Variants in P3H2 observed in about 807,000 individuals in gnomAD.
P3H2 encodes prolyl 3-hydroxylase 2, also known as leprecan-like 1.
Under a neutral mutation model 87.0 loss-of-function variants are expected in P3H2, and 80 were observed. The ratio of observed to expected loss-of-function variants is 0.92; its 90% confidence interval spans 0.77 to 1.11. The LOEUF is 1.11. Ranked by LOEUF, P3H2 falls within the 50% of genes least tolerant of loss-of-function variation. The probability of loss-of-function intolerance (pLI) is 0.00; values close to 1 mark genes in which losing one functional copy is unlikely to be tolerated. For synonymous variants in P3H2, 367 were observed against 359.3 expected, an observed-to-expected ratio of 1.02 and a Z score of -0.24; for missense variants, 1,001 against 923.9, an observed-to-expected ratio of 1.08 and a Z score of -1.08.
rs1398533689 is a variant in P3H2 at position 190,083,877 on chromosome 3, C to T, written c.480+36375G>A. Among the ~76,000 whole-genome samples the T allele has an allele frequency of 3.9e-5, 6 of 152,230 alleles. 1 individual carries two copies. Among genetic ancestry groups the T allele is most frequent in the East Asian group, 1.9e-4 (1 of 5,180 alleles). ...AGAGTAATGTTTGTTTAAAAGTGAA[C>T]GAACAATAACCACAAGCTTGGCTGG... On this transcript the variant is annotated intron_variant, in intron 1 of 14. Transcript: ENST00000319332.
intron 13 of P3H2, among the ~76,000 whole-genome samples, chr3:189,966,109 GAA>G (rs1722979275): frequency 1.2e-5 from 1 of 80,190 alleles, no homozygotes; most frequent in African/African-American, 5.9e-5. Context: ...AAAGAAAAAA[GAA>G]AGAAAGAAAG....
At chr3:189,975,627 C>T (rs1723327300) in intron 8 of P3H2, among the ~76,000 whole-genome samples, 1 of 152,160 alleles carries the variant, frequency 6.6e-6, no homozygotes, top group South Asian at 2.1e-4. Context: ...GGCACAACTC[C>T]CTGCCACCCC....
chr3:190,091,404 T>C (rs1727403315), intron 1 of P3H2, among the ~76,000 whole-genome samples: 1 of 152,240 alleles, frequency 6.6e-6, no homozygotes, highest in Non-Finnish European at 1.5e-5. Context: ...CTCTCAACTT[T>C]ACACTTCTGC....
chr3:189,986,755 T>G lies in P3H2; in HGVS notation c.1188+33A>C, dbSNP rs370165510. 3.5e-6 allele frequency: 5 copies of G among 1,415,014 alleles called. No individual in the cohort carries two copies. In the African/African-American group the frequency reaches 7.0e-5, roughly 20 times the overall value. The allele number at this position is 1,415,014 out of a possible 1,614,324, so 87.7% of individuals were successfully genotyped here. On this transcript the variant is annotated intron_variant, in intron 6 of 14. Transcript: ENST00000319332. ...ACATAAAAAGGATTCCACTGAATCA[T>G]TATTTTAATAAACGTTTCCTCTTTC...
At chr3:190,119,187 GAGAGGA>G in intron 1 of P3H2, among the ~76,000 whole-genome samples, 2 of 121,104 alleles carry the variant, frequency 1.7e-5, no homozygotes, top group Non-Finnish European at 3.4e-5. Flanking sequence ...GAGAGGAGAG[GAGAGGA>G]GGGGAGAGGA....
intron 1 of P3H2, among the ~76,000 whole-genome samples, chr3:190,101,567 T>C (rs1711629768): frequency 6.6e-6 from 1 of 151,812 alleles, no homozygotes; most frequent in African/African-American, 2.4e-5. Flanking sequence ...TCTCCTCAAT[T>C]CTGTGAAGGC....
chr3:190,101,722 C>T (rs189859649), intron 1 of P3H2, among the ~76,000 whole-genome samples: 23 of 152,184 alleles, frequency 1.5e-4, no homozygotes, highest in African/African-American at 2.4e-4. Flanking sequence ...ACAAGTTATC[C>T]GGAAGATCTA....
intron 1 of P3H2, among the ~76,000 whole-genome samples, chr3:190,037,289 T>C (rs1725456451): frequency 6.6e-6 from 1 of 152,110 alleles, no homozygotes; most frequent in African/African-American, 2.4e-5. Flanking sequence ...AAATTATAAG[T>C]AAAAATCTAT....
chr3:189,974,326 G>A, intron 9 of P3H2: 2 of 622,940 alleles, frequency 3.2e-6, no homozygotes. Context: ...CTTGCTAGAT[G>A]GCTGTTGGGC....
At chr3:189,969,265 T>A in intron 13 of P3H2, 1 of 853,498 alleles carries the variant, frequency 1.2e-6, no homozygotes, top group Admixed American at 1.7e-5. Context: ...GAGAACCACC[T>A]CTGGAACTGT....
At chr3:189,996,106 G>C (rs1724044590) in intron 1 of P3H2, among the ~76,000 whole-genome samples, 1 of 152,130 alleles carries the variant, frequency 6.6e-6, no homozygotes, top group African/African-American at 2.4e-5. Flanking sequence ...TCTCACTGCT[G>C]GGTATATATC....
At chr3:190,028,840 C>T (rs1725167300) in intron 1 of P3H2, among the ~76,000 whole-genome samples, 1 of 140,018 alleles carries the variant, frequency 7.1e-6, no homozygotes, top group East Asian at 2.1e-4. Flanking sequence ...TTCTCTGAGT[C>T]TCCTCAGAAA....
At chr3:190,061,631 T>A (rs773134753) in intron 1 of P3H2, among the ~76,000 whole-genome samples, 15 of 152,204 alleles carry the variant, frequency 9.9e-5, no homozygotes, top group Non-Finnish European at 1.9e-4. Context: ...GATTTCTTAC[T>A]CTTCATTCAC....
chr3:189,983,025 TA>T lies in P3H2; in HGVS notation c.1324+20del. On this transcript the variant is annotated intron_variant, in intron 8 of 14. Coordinates refer to ENST00000319332, the MANE Select transcript of P3H2 (RefSeq NM_018192.4). ...CTTCCCCTTCCCCTCCTTTATAGGG[TA>T]AAAGTGCACAGCTACTTACCTTCTC... 1 of 1,583,282 alleles carries T rather than the reference TA, an allele frequency of 6.3e-7. No individual in the cohort carries two copies. The highest frequency in any genetic ancestry group is 8.7e-7 in the Non-Finnish European group (1 of 1,151,880).
At chr3:190,024,566 G>GAAA (rs954004940) in intron 1 of P3H2, among the ~76,000 whole-genome samples, 9 of 136,592 alleles carry the variant, frequency 6.6e-5, no homozygotes, top group African/African-American at 2.1e-4. Flanking sequence ...AAGAAAGAAA[G>GAAA]AAAAAAAATT....
At chr3:190,041,035 TATACACACAC>T (rs1348315526) in intron 1 of P3H2, among the ~76,000 whole-genome samples, 5 of 39,792 alleles carry the variant, frequency 1.3e-4, no homozygotes, top group African/African-American at 5.4e-4. Flanking sequence ...TATATATATA[TATACACACAC>T]ACACACACAC....
chr3:190,068,684 G>A (rs1726594994), intron 1 of P3H2, among the ~76,000 whole-genome samples: 1 of 152,050 alleles, frequency 6.6e-6, no homozygotes, highest in Non-Finnish European at 1.5e-5. Context: ...AGACAGAGCT[G>A]TTTCCTAAAA....
At chr3:190,089,283 G>A (rs2108984614) in intron 1 of P3H2, among the ~76,000 whole-genome samples, 1 of 152,276 alleles carries the variant, frequency 6.6e-6, no homozygotes, top group East Asian at 1.9e-4. Context: ...ACGAGTTAAT[G>A]GGTGCAGCAC....
intron 1 of P3H2, among the ~76,000 whole-genome samples, chr3:190,119,484 A>G (rs769965708): frequency 6.6e-6 from 1 of 152,218 alleles, no homozygotes. Flanking sequence ...CAATATGTCA[A>G]TATGCATACT....
Sources: allele counts gnomAD v4.1 joint callset (sites outside exome capture counted in the v4.1 genomes callset), GRCh38; gene constraint gnomAD v4.1.1; transcripts MANE v1.5; gene names NCBI Gene and HGNC (gene_info 2026-07-23, HGNC 2026-07-21).